SPATA31C2: variants seen among roughly 807,000 people sequenced by gnomAD.
SPATA31C2 encodes SPATA31 subfamily C member 2.
SPATA31C2 carries 5 observed loss-of-function variants against 11.4 expected under a neutral mutation model. The ratio of observed to expected loss-of-function variants is 0.44; its 90% CI spans 0.23 to 0.92. The LOEUF (loss-of-function observed/expected upper bound fraction) is 0.92. SPATA31C2 is among the 40% of genes least tolerant of loss of function. SPATA31C2 has a pLI of 0.24. For synonymous variants in SPATA31C2, 515 were observed against 538.7 expected, an observed-to-expected ratio of 0.96 and a Z score of 0.61; for missense variants, 1,353 against 1,368.6, an observed-to-expected ratio of 0.99 and a Z score of 0.18.
chr9:88,132,695 G>C lies in SPATA31C2; in HGVS notation c.342C>G (p.His114Gln). The change falls in exon 4 of 4, where the codon CAC (histidine) becomes CAG (glutamine). Residue 114 changes from histidine to glutamine, a missense_variant. His to Gln is a conservative substitution (Grantham distance 24). Around this residue, in one of 6 missense-constraint regions of SPATA31C2, gnomAD observed 1,075 missense variants for 992.8 expected, o/e 1.08. Transcript: ENST00000324915. ...LSQLQSLLGPHLEKGDFGQLS... is the reference protein window; with the variant it reads ...LSQLQSLLGPQLEKGDFGQLS... ...GCTGACCAAAGTCACCTTTTTCAAG[G>C]TGTGGCCCCAGGAGGCTGCAGGAGA... The C allele has an allele frequency of 6.2e-7, 1 of 1,604,900 alleles. No individual in the cohort carries two copies.
Position 88,131,274 on chromosome 9 carries a change from T to C in SPATA31C2, c.1763A>G (p.Asn588Ser), listed in dbSNP as rs1387822079. ...AHMSRKLGQT[N>S]EGLIPVSVRR... ...CACACTCACGGGGATCAAGCCCTCG[T>C]TGGTCTGGCCCAACTTTCTGCTCAT... Residue 588 changes from asparagine (N) to serine (S), a missense_variant, in exon 4 of 4, where the codon AAC becomes AGC. This residue lies in a region of SPATA31C2 where 1,075 missense variants were observed against 992.8 expected (regional missense o/e 1.08). Transcript: ENST00000324915. 4.3e-6 allele frequency: 7 copies of C among 1,611,728 alleles called. No homozygotes were observed. Among genetic ancestry groups the C allele is most frequent in the South Asian group, 1.1e-5 (1 of 90,980 alleles).
Position 88,129,981 on chromosome 9 carries a change from G to T in SPATA31C2, c.3056C>A (p.Thr1019Lys), listed in dbSNP as rs140683876. Residue 1019 changes from threonine (T) to lysine (K), a missense_variant, in exon 4 of 4, where the codon ACG becomes AAG. Transcript: ENST00000324915. Reference protein sequence around the residue: ...FGENIKQFFQTIFSKKERKPA... With the variant: ...FGENIKQFFQKIFSKKERKPA... ...CTTCCTTTCTTTCTTTGAAAAAATC[G>T]TCTGAAAAAATTGCTTGATGTTTTC... The T allele has an allele frequency of 6.2e-7, 1 of 1,600,678 alleles. No homozygotes were observed. Among genetic ancestry groups the T allele is most frequent in the Non-Finnish European group, 8.5e-7 (1 of 1,175,844 alleles).
intron 1 of SPATA31C2, among the ~76,000 whole-genome samples, chr9:88,134,026 C>T (rs1436836146): frequency 9.9e-5 from 15 of 150,950 alleles, no homozygotes; most frequent in African/African-American, 3.4e-4. Context: ...TGGTGGCGGG[C>T]GCCTGTAATC....
chr9:88,130,095 G>T lies in SPATA31C2; in HGVS notation c.2942C>A (p.Pro981Gln). 6.2e-7 allele frequency: 1 copy of T among 1,607,112 alleles called. No individual in the cohort carries two copies. Among genetic ancestry groups the T allele is most frequent in the Non-Finnish European group, 8.5e-7 (1 of 1,177,324 alleles). Residue 981 changes from proline to glutamine, a missense_variant, in exon 4 of 4, where the codon CCA becomes CAA. By Grantham distance (76) the Pro-to-Gln change is moderately conservative. Transcript: ENST00000324915. ...ACGGGTGTCTTCTGTTTTCCTGCCT[G>T]GGGTAAGTTGAGGAGTCCTCAATCC... ...FQGLRTPQLT[P>Q]GRKTEDTRQN...
chr9:88,129,519 G>A lies in SPATA31C2; in HGVS notation c.*113C>T. On this transcript the variant is annotated 3_prime_UTR_variant, in exon 4 of 4. Transcript: ENST00000324915. ...GTGATGGTGGCTGGAGGCACTGGGTGTCTTCGGCCGGTGCTGAGGGGGACT... is the reference window on the plus strand; with the variant it reads ...GTGATGGTGGCTGGAGGCACTGGGTATCTTCGGCCGGTGCTGAGGGGGACT... 6.3e-7 allele frequency: 1 copy of A among 1,597,592 alleles called. No individual in the cohort carries two copies. The highest frequency in any genetic ancestry group is 2.3e-5 in the East Asian group (1 of 44,230).
Position 88,129,783 on chromosome 9 carries a change from A to G in SPATA31C2, c.3254T>C (p.Phe1085Ser), listed in dbSNP as rs1825552907. ...ASKVNQQRQQ[F>S]QAPVCGFPCN... is the part of the protein sequence containing the mutation. ...GGGAAACCCACAGACTGGGGCTTGA[A>G]ACTGCTGTCTTTGCTGATTTACCTT... The change falls in exon 4 of 4, where the codon TTT becomes TCT. Residue 1085 changes from phenylalanine to serine, a missense_variant. By Grantham distance (155) the Phe-to-Ser change is radical (BLOSUM62 -2). Around this residue, in one of 6 missense-constraint regions of SPATA31C2, gnomAD observed 187 missense variants for 205.8 expected, o/e 0.91. Coordinates refer to ENST00000324915, the MANE Select transcript of SPATA31C2 (RefSeq NM_001350978.3). 1 of 1,604,092 alleles carries G rather than the reference A, an allele frequency of 6.2e-7. No individual in the cohort carries two copies. Among genetic ancestry groups the G allele is most frequent in the African/African-American group, 1.3e-5 (1 of 74,714 alleles).
At position 88,131,384 on chromosome 9, in the gene SPATA31C2, C is replaced by T. The variant is rs1825591279; in HGVS notation, c.1653G>A (p.Leu551=). 1.9e-6 allele frequency: 3 copies of T among 1,611,890 alleles called. No individual in the cohort carries two copies. Among genetic ancestry groups the T allele is most frequent in the East Asian group, 4.5e-5 (2 of 44,858 alleles). The change falls in exon 4 of 4, where the codon CTG becomes CTA. Residue 551 remains leucine, a synonymous_variant. Transcript: ENST00000324915. Reference sequence around the variant, plus strand: ...CTGAGTCACTCCTCAAGGGCTTCCTCAGGTTCCTTTCCGACTCCTCAGAGG... The same window carrying T: ...CTGAGTCACTCCTCAAGGGCTTCCTTAGGTTCCTTTCCGACTCCTCAGAGG... ...GATSEESERN[L]RKPLRSDSGS... is the part of the protein sequence containing the mutation.
rs759849601 is a variant in SPATA31C2 at position 88,131,277 on chromosome 9, G to A, written c.1760C>T (p.Thr587Ile). The change falls in exon 4 of 4, where the codon ACC (threonine) becomes ATC (isoleucine). Residue 587 changes from threonine to isoleucine, a missense_variant. Thr to Ile is a moderately conservative substitution (Grantham distance 89). This residue lies in a region of SPATA31C2 where 1,075 missense variants were observed against 992.8 expected (regional missense o/e 1.08). Transcript: ENST00000324915. ...ACTCACGGGGATCAAGCCCTCGTTG[G>A]TCTGGCCCAACTTTCTGCTCATGTG... is the stretch of plus-strand genomic sequence containing the variant. ...KAHMSRKLGQTNEGLIPVSVR... is the reference protein window; with the variant it reads ...KAHMSRKLGQINEGLIPVSVR... 208 of 1,611,738 alleles carry A rather than the reference G, an allele frequency of 1.3e-4. No individual in the cohort carries two copies. The highest frequency in any genetic ancestry group is 1.7e-4 in the Non-Finnish European group (197 of 1,179,880).
In SPATA31C2 at chr9:88,131,080, A is replaced by G. The variant is rs1825582894; in HGVS notation, c.1957T>C (p.Phe653Leu). ...QQVLGAHIVRFWAKHRWGLPL... is the reference protein window; with the variant it reads ...QQVLGAHIVRLWAKHRWGLPL... ...AGACCCCACCTGTGTTTGGCCCAAA[A>G]CCTCACAATATGGGCTCCCAGCACC... The change falls in exon 4 of 4, where the codon TTT (phenylalanine) becomes CTT (leucine). Residue 653 changes from phenylalanine (F) to leucine (L), a missense_variant. Phe to Leu is a conservative substitution (Grantham distance 22). This residue lies in a region of SPATA31C2 where 1,075 missense variants were observed against 992.8 expected (regional missense o/e 1.08). Coordinates refer to ENST00000324915, the MANE Select transcript of SPATA31C2 (RefSeq NM_001350978.3). 6.2e-7 allele frequency: 1 copy of G among 1,611,794 alleles called. No homozygotes were observed. Among genetic ancestry groups the G allele is most frequent in the Non-Finnish European group, 8.5e-7 (1 of 1,179,856 alleles).
At position 88,130,742 on chromosome 9, in the gene SPATA31C2, C is replaced by T. The variant is rs1187912111; in HGVS notation, c.2295G>A (p.Glu765=). The T allele has an allele frequency of 3.1e-6, 5 of 1,613,446 alleles. No homozygotes were observed. The highest frequency in any genetic ancestry group is 1.7e-5 in the Admixed American group (1 of 59,998). ...TGAGGGGCTTAGATGGCCACCTGCCCTCCTGTCCAGCTGTAGGAGCCTTCA... is the reference window on the plus strand; with the variant it reads ...TGAGGGGCTTAGATGGCCACCTGCCTTCCTGTCCAGCTGTAGGAGCCTTCA... ...GSLKAPTAGQ[E]GRWPSKPLTY... Residue 765 remains glutamate, a synonymous_variant, in exon 4 of 4, where the codon GAG becomes GAA. Transcript: ENST00000324915.
rs757473968 is a variant in SPATA31C2, at chr9:88,129,822, G to A, written c.3215C>T (p.Ala1072Val). The A allele has an allele frequency of 2.2e-5, 35 of 1,604,332 alleles. No individual in the cohort carries two copies. Among genetic ancestry groups the A allele is most frequent in the Middle Eastern group, 1.7e-4 (1 of 6,002 alleles). The change falls in exon 4 of 4, where the codon GCG becomes GTG. Residue 1072 changes from alanine to valine, a missense_variant. Ala to Val is a moderately conservative substitution (Grantham distance 64, BLOSUM62 0). Around this residue, in one of 6 missense-constraint regions of SPATA31C2, gnomAD observed 187 missense variants for 205.8 expected, o/e 0.91. Transcript: ENST00000324915. ...CTGATTTACCTTCGAGGCATGGCGC[G>A]CATGGCAAAGTGACATGTTCTCCTC... is the stretch of plus-strand genomic sequence containing the variant. The part of the protein sequence containing the change: ...ILEENMSLCH[A>V]RHASKVNQQR...
rs551536636 is a variant in SPATA31C2 at position 88,131,488 on chromosome 9, G to C, written c.1549C>G (p.Leu517Val). 1.2e-6 allele frequency: 2 copies of C among 1,611,874 alleles called. No individual in the cohort carries two copies. The highest frequency in any genetic ancestry group is 1.7e-6 in the Non-Finnish European group (2 of 1,179,808). ...GGGGTCTCACCCAGAATTTGCCCCA[G>C]ATGTGGGCATGGGTCCCTCTCTAGC... The part of the protein sequence containing the change: ...FQLERDPCPH[L>V]GQILGETPQN... The change falls in exon 4 of 4, where the codon CTG becomes GTG. Residue 517 changes from leucine to valine, a missense_variant. Physicochemically the swap from Leu to Val is conservative, Grantham distance 32. Coordinates refer to ENST00000324915, the MANE Select transcript of SPATA31C2 (RefSeq NM_001350978.3).
chr9:88,130,668 T>C lies in SPATA31C2; in HGVS notation c.2369A>G (p.Gln790Arg). Residue 790 changes from glutamine (Q) to arginine (R), a missense_variant, in exon 4 of 4, where the codon CAA becomes CGA. By Grantham distance (43) the Gln-to-Arg change is conservative. Transcript: ENST00000324915. ...CCTGGTCTCTCCAGCCCTTGAAGAT[T>C]GGGCTCCTAAGCTCCTGCTCTGCTG... ...STQQSRSLGA[Q>R]SSRAGETREA... The C allele has an allele frequency of 1.2e-6, 2 of 1,613,892 alleles. No individual in the cohort carries two copies. Among genetic ancestry groups the C allele is most frequent in the African/African-American group, 1.3e-5 (1 of 75,044 alleles).
chr9:88,131,494 G>A lies in SPATA31C2; in HGVS notation c.1543C>T (p.Pro515Ser). The A allele has an allele frequency of 1.2e-6, 2 of 1,611,758 alleles. No homozygotes were observed. Among genetic ancestry groups the A allele is most frequent in the South Asian group, 2.2e-5 (2 of 90,968 alleles). ...VKFQLERDPC[P>S]HLGQILGETP... is the part of the protein sequence containing the mutation. ...TCACCCAGAATTTGCCCCAGATGTG[G>A]GCATGGGTCCCTCTCTAGCTGGAAC... Residue 515 changes from proline (P) to serine (S), a missense_variant, in exon 4 of 4, where the codon CCA becomes TCA. Pro to Ser is a moderately conservative substitution (Grantham distance 74). Transcript: ENST00000324915.
rs747191289 is a variant in SPATA31C2, at chr9:88,131,464, G to T, written c.1573C>A (p.Pro525Thr). 5.6e-6 allele frequency: 9 copies of T among 1,611,710 alleles called. No homozygotes were observed. The highest frequency in any genetic ancestry group is 1.3e-5 in the African/African-American group (1 of 74,810). Reference protein sequence around the residue: ...PHLGQILGETPQNLSRGMESF... With the variant: ...PHLGQILGETTQNLSRGMESF... ...TCCATGCCCCTGGATAGATTTTGTG[G>T]GGTCTCACCCAGAATTTGCCCCAGA... Residue 525 changes from proline (P) to threonine (T), a missense_variant, in exon 4 of 4, where the codon CCA (proline) becomes ACA (threonine). Physicochemically the swap from Pro to Thr is conservative, Grantham distance 38 (BLOSUM62 -1). Coordinates refer to ENST00000324915, the MANE Select transcript of SPATA31C2 (RefSeq NM_001350978.3).
In SPATA31C2 at chr9:88,131,719, G is replaced by A. The variant is rs1173313874; in HGVS notation, c.1318C>T (p.Pro440Ser). 1.2e-6 allele frequency: 2 copies of A among 1,611,916 alleles called. No homozygotes were observed. Among genetic ancestry groups the A allele is most frequent in the South Asian group, 2.2e-5 (2 of 90,982 alleles). Reference sequence around the variant, plus strand: ...TCAGGACTGACTGGAAAGTTCTCAGGCAGAATGGATGTCAGTCTTTCCTGG... The same window carrying A: ...TCAGGACTGACTGGAAAGTTCTCAGACAGAATGGATGTCAGTCTTTCCTGG... ...LPQERLTSIL[P>S]ENFPVSPELW... Residue 440 changes from proline to serine, a missense_variant, in exon 4 of 4, where the codon CCT becomes TCT. Coordinates refer to ENST00000324915, the MANE Select transcript of SPATA31C2 (RefSeq NM_001350978.3).
Position 88,130,320 on chromosome 9 carries a change from C to T in SPATA31C2, c.2717G>A (p.Ser906Asn). 2 of 1,609,272 alleles carry T rather than the reference C, an allele frequency of 1.2e-6. No homozygotes were observed. The highest frequency in any genetic ancestry group is 1.7e-6 in the Non-Finnish European group (2 of 1,179,120). ...AGCCTGCATGTTCCCAGTAGGCATG[C>T]TCTGGAGATGGCCCTGGGGCACTTG... The part of the protein sequence containing the change: ...ASQVPQGHLQ[S>N]MPTGNMQASQ... The change falls in exon 4 of 4, where the codon AGC (serine) becomes AAC (asparagine). Residue 906 changes from serine to asparagine, a missense_variant. Ser to Asn is a conservative substitution (Grantham distance 46). Transcript: ENST00000324915.
Position 88,130,872 on chromosome 9 carries a change from T to C in SPATA31C2, c.2165A>G (p.Lys722Arg), listed in dbSNP as rs1407022871. 6.2e-7 allele frequency: 1 copy of C among 1,613,712 alleles called. No individual in the cohort carries two copies. The highest frequency in any genetic ancestry group is 2.2e-5 in the East Asian group (1 of 44,884). The change falls in exon 4 of 4, where the codon AAA becomes AGA. Residue 722 changes from lysine (K) to arginine (R), a missense_variant. Around this residue, in one of 6 missense-constraint regions of SPATA31C2, gnomAD observed 1,075 missense variants for 992.8 expected, o/e 1.08. Coordinates refer to ENST00000324915, the MANE Select transcript of SPATA31C2 (RefSeq NM_001350978.3). ...MASLRKQVLT[K>R]PSVHMPERLQ... Reference sequence around the variant, plus strand: ...CCTCTCTGGCATGTGAACAGATGGTTTGGTCAGCACCTGCTTTCTCAGACT... The same window carrying C: ...CCTCTCTGGCATGTGAACAGATGGTCTGGTCAGCACCTGCTTTCTCAGACT...
Position 88,131,205 on chromosome 9 carries a change from T to C in SPATA31C2, c.1832A>G (p.Asn611Ser), listed in dbSNP as rs1468244896. The C allele has an allele frequency of 6.2e-7, 1 of 1,611,682 alleles. No homozygotes were observed. Among genetic ancestry groups the C allele is most frequent in the African/African-American group, 1.3e-5 (1 of 74,860 alleles). The change falls in exon 4 of 4, where the codon AAC becomes AGC. Residue 611 changes from asparagine to serine, a missense_variant. Asn to Ser is a conservative substitution (Grantham distance 46). Transcript: ENST00000324915. ...TAGATTGCTGGTTTTCACGTGGGTG[T>C]TGGAGACGGGAAAAGCCTGGTTGAC... ...LAVNQAFPVS[N>S]THVKTSNLAA...
Sources: allele counts gnomAD v4.1 joint callset (sites outside exome capture counted in the v4.1 genomes callset), GRCh38; gene constraint gnomAD v4.1.1; regional missense constraint gnomAD v4.1.1; transcripts MANE v1.5; gene names NCBI Gene and HGNC (gene_info 2026-07-23, HGNC 2026-07-21).